The following DARS2 variants were observed in gnomAD, a reference collection of about 807,000 sequenced individuals.
The protein encoded by DARS2 is aspartyl-tRNA synthetase 2, mitochondrial, also known as aspartate--tRNA ligase, mitochondrial.
Under a neutral mutation model 83.0 loss-of-function variants are expected in DARS2, and 63 were observed. That is an observed-to-expected ratio of 0.76 (90% CI 0.62 to 0.94). DARS2 has a LOEUF of 0.94. DARS2 is among the 40% of genes least tolerant of loss of function. The pLI is 0.00. For missense variants in DARS2, 675 were observed against 774.4 expected, an observed-to-expected ratio of 0.87 and a Z score of 1.52; for synonymous variants, 250 against 269.3, an observed-to-expected ratio of 0.93 and a Z score of 0.70.
intron 15 of DARS2, among the ~76,000 whole-genome samples, chr1:173,855,193 G>A (rs941345003): frequency 2.7e-5 from 4 of 149,288 alleles, no homozygotes; most frequent in African/African-American, 7.4e-5. Flanking sequence ...AACCTCCGCC[G>A]CCTGGGTTCA....
At chr1:173,836,816 G>A in intron 7 of DARS2, 124 bp from the exon 8 acceptor site, 1 of 815,016 alleles carries the variant, frequency 1.2e-6, no homozygotes, top group South Asian at 1.4e-5. Context: ...TGTCATTGTA[G>A]GAACTTTGTT....
At chr1:173,855,628 C>G (rs533335047) in intron 15 of DARS2, among the ~76,000 whole-genome samples, 16 of 152,068 alleles carry the variant, frequency 1.1e-4, no homozygotes, top group Admixed American at 8.5e-4. Context: ...TTTCATTCCT[C>G]TCATTGTCAA....
chr1:173,826,688 A>G lies in DARS2; in HGVS notation c.129A>G (p.Glu43=). The G allele has an allele frequency of 6.3e-7, 1 of 1,591,492 alleles. No homozygotes were observed. Among genetic ancestry groups the G allele is most frequent in the East Asian group, 2.2e-5 (1 of 44,704 alleles). Residue 43 remains glutamate (E), a splice_region_variant and synonymous_variant, in exon 2 of 17, where the codon GAA becomes GAG. Transcript: ENST00000649689. ...LLQSSQRRIP[E]FSSFVVRTNT... ...TTCTTTTTTTTTTTTTTTTTAAAGA[A>G]TTCAGTAGCTTTGTTGTCCGGACCA...
chr1:173,850,559 G>A, intron 13 of DARS2, 80 bp downstream of exon 13: 1 of 1,371,128 alleles, frequency 7.3e-7, no homozygotes, highest in Non-Finnish European at 1.0e-6. Flanking sequence ...GTATACGTTT[G>A]AACTGTAGAC....
At chr1:173,834,552 A>G in intron 7 of DARS2, 33 bp downstream of exon 7, 1 of 1,512,522 alleles carries the variant, frequency 6.6e-7, no homozygotes, top group Non-Finnish European at 9.2e-7. Context: ...TCTATTAATA[A>G]TGTCCTATTA....
At chr1:173,829,972 C>T (rs544547197) in intron 3 of DARS2, among the ~76,000 whole-genome samples, 1 of 152,026 alleles carries the variant, frequency 6.6e-6, no homozygotes, top group East Asian at 1.9e-4. Context: ...GTCCCAGCTA[C>T]TTGGGAGGCT....
At position 173,853,815 on chromosome 1, in the gene DARS2, C is replaced by T. The variant is rs1357095342; in HGVS notation, c.1584C>T (p.Asp528=). The T allele has an allele frequency of 6.2e-7, 1 of 1,614,074 alleles. No individual in the cohort carries two copies. Among genetic ancestry groups the T allele is most frequent in the South Asian group, 1.1e-5 (1 of 91,084 alleles). ...TCTAGGCCCGTAGCCAACACTATGA[C>T]TTGGTTTTAAATGGCAATGAAATAG... ...EPKKARSQHY[D]LVLNGNEIGG... is the part of the protein sequence containing the mutation. Residue 528 remains aspartate (D), a synonymous_variant, in exon 15 of 17, where the codon GAC becomes GAT. Coordinates refer to ENST00000649689, the MANE Select transcript of DARS2 (RefSeq NM_018122.5).
intron 13 of DARS2, chr1:173,851,989 C>T (rs1417274483): frequency 1.0e-6 from 1 of 985,262 alleles, no homozygotes; most frequent in Non-Finnish European, 1.2e-6. Flanking sequence ...ACTAATTTGG[C>T]TATTAAACCT....
At chr1:173,845,313 T>C in intron 12 of DARS2, 22 bp downstream of exon 12, 1 of 1,548,270 alleles carries the variant, frequency 6.5e-7, no homozygotes, top group East Asian at 2.3e-5. Flanking sequence ...ATTAGAGCAG[T>C]TTTTTTCCTT....
At chr1:173,828,237 G>A in intron 2 of DARS2, 96 bp from the exon 3 acceptor site, 1 of 1,189,144 alleles carries the variant, frequency 8.4e-7, no homozygotes, top group East Asian at 2.5e-5. Context: ...ATGAAAAATT[G>A]CATGGATTTT....
chr1:173,837,418 A>T (rs1211744002), intron 8 of DARS2, among the ~76,000 whole-genome samples: 2 of 152,350 alleles, frequency 1.3e-5, no homozygotes, highest in East Asian at 1.9e-4. Flanking sequence ...CTTTAAAATT[A>T]TACTTTTTGA....
chr1:173,850,311 T>C lies in DARS2; in HGVS notation c.1192-16T>C. On this transcript the variant is annotated splice_polypyrimidine_tract_variant and intron_variant, in intron 12 of 16. Transcript: ENST00000649689. Reference sequence around the variant, plus strand: ...AAAAAAAAAAAAACGTGAATAAGTCTTTTTCTTTTACACAGGAAATCTTAC... The same window carrying C: ...AAAAAAAAAAAAACGTGAATAAGTCCTTTTCTTTTACACAGGAAATCTTAC... The C allele has an allele frequency of 6.3e-7, 1 of 1,593,028 alleles. No individual in the cohort carries two copies. Among genetic ancestry groups the C allele is most frequent in the Admixed American group, 1.8e-5 (1 of 55,790 alleles).
intron 12 of DARS2, among the ~76,000 whole-genome samples, chr1:173,847,911 G>A (rs1653498610): frequency 1.4e-5 from 2 of 144,976 alleles, no homozygotes; most frequent in South Asian, 4.3e-4. Flanking sequence ...GGAGTGCAGT[G>A]GTGCCATCTC....
chr1:173,841,034 A>G (rs1328505812), intron 11 of DARS2, 61 bp downstream of exon 11: 3 of 994,030 alleles, frequency 3.0e-6, no homozygotes, highest in South Asian at 1.3e-5. Context: ...ACTTTGTCCA[A>G]TACTGTCATA....
chr1:173,834,822 A>G (rs1232733737), intron 7 of DARS2, among the ~76,000 whole-genome samples: 3 of 109,016 alleles, frequency 2.8e-5, no homozygotes, highest in African/African-American at 1.1e-4. Flanking sequence ...TCCATCACCC[A>G]GGCTGGAGTG....
Position 173,853,790 on chromosome 1 carries a change from T to TAGAGA in DARS2, c.1564-5_1564-4insAGAGA. On this transcript the variant is annotated splice_region_variant and splice_polypyrimidine_tract_variant and intron_variant, in intron 14 of 16. Coordinates refer to ENST00000649689, the MANE Select transcript of DARS2 (RefSeq NM_018122.5). ...TCTAACATAAAGTATCTGTGAATCTTCTAGGCCCGTAGCCAACACTATGAC... is the reference window on the plus strand; with the variant it reads ...TCTAACATAAAGTATCTGTGAATCTTAGAGACTAGGCCCGTAGCCAACACTATGAC... 1 of 1,612,840 alleles carries TAGAGA rather than the reference T, an allele frequency of 6.2e-7. No homozygotes were observed. Among genetic ancestry groups the TAGAGA allele is most frequent in the Non-Finnish European group, 8.5e-7 (1 of 1,178,888 alleles).
chr1:173,852,386 T>C (rs1653706439), intron 13 of DARS2: 1 of 475,410 alleles, frequency 2.1e-6, no homozygotes, highest in Admixed American at 6.4e-5. Flanking sequence ...ATTTTAAAAA[T>C]AAGAAAAGTG....
chr1:173,857,768 A>G lies in DARS2; in HGVS notation c.*63A>G. 3 of 1,573,758 alleles carry G rather than the reference A, an allele frequency of 1.9e-6. No individual in the cohort carries two copies. The highest frequency in any genetic ancestry group is 1.7e-6 in the Non-Finnish European group (2 of 1,146,042). ...TTGTCCTCTTTGCTTCCCCAAGGCT[A>G]AAGTCAGATCTAGAGTTCTGCCACA... On this transcript the variant is annotated 3_prime_UTR_variant, in exon 17 of 17. Coordinates refer to ENST00000649689, the MANE Select transcript of DARS2 (RefSeq NM_018122.5).
intron 13 of DARS2, among the ~76,000 whole-genome samples, chr1:173,852,600 G>A (rs1277526761): frequency 6.6e-6 from 1 of 151,948 alleles, no homozygotes; most frequent in East Asian, 1.9e-4. Flanking sequence ...CTCCTCCCGG[G>A]TTCAAGCGAT....
Sources: allele counts gnomAD v4.1 joint callset (sites outside exome capture counted in the v4.1 genomes callset), GRCh38; gene constraint gnomAD v4.1.1; transcripts MANE v1.5; gene names NCBI Gene and HGNC (gene_info 2026-07-23, HGNC 2026-07-21).